ADGRG2: variants seen among roughly 807,000 people sequenced by gnomAD.
ADGRG2 encodes the protein G protein-coupled receptor 64.
A neutral mutation model predicts 74.1 loss-of-function variants in ADGRG2; 26 were observed. The observed-to-expected ratio is 0.35, with a 90% CI of 0.26 to 0.49. The LOEUF is 0.49. Ranked by LOEUF, ADGRG2 falls within the 20% of genes least tolerant of loss-of-function variation. ADGRG2 has a pLI of 0.99. For synonymous variants in ADGRG2, 296 were observed against 295.2 expected, an observed-to-expected ratio of 1.00 and a Z score of -0.03; for missense variants, 619 against 763.1, an observed-to-expected ratio of 0.81 and a Z score of 2.22.
chrX:19,049,582 A>G (rs1235022722), intron 3 of ADGRG2, among the ~76,000 whole-genome samples: 1 of 109,191 alleles, frequency 9.2e-6, no homozygotes, highest in Non-Finnish European at 1.9e-5. Context: ...ATGTGGCCCA[A>G]TACAAATTCA....
chrX:19,053,879 C>G (rs761971074), intron 3 of ADGRG2, among the ~76,000 whole-genome samples: 2 of 111,136 alleles, frequency 1.8e-5, no homozygotes, highest in Non-Finnish European at 3.8e-5. Context: ...TGGCAGCGGG[C>G]AAAAGAGAGA....
chrX:19,093,491 G>A (rs760901529), intron 1 of ADGRG2, among the ~76,000 whole-genome samples: 2 of 111,842 alleles, frequency 1.8e-5, no homozygotes, highest in Non-Finnish European at 3.8e-5. Context: ...ATGGTCATAA[G>A]AACACTGCTT....
intron 3 of ADGRG2, among the ~76,000 whole-genome samples, chrX:19,062,558 T>C (rs188425003): frequency 8.9e-6 from 1 of 111,733 alleles, no homozygotes; most frequent in African/African-American, 3.3e-5. Flanking sequence ...ACCTCATTTG[T>C]ACAGACAGGG....
chrX:18,995,071 G>A, intron 27 of ADGRG2, 23 bp from the exon 28 acceptor site: 1 of 1,140,553 alleles, frequency 8.8e-7, no homozygotes, highest in South Asian at 2.0e-5. Flanking sequence ...AAGCATTACA[G>A]AAAAACAGGG....
At chrX:19,066,598 G>C (rs1489554442) in intron 3 of ADGRG2, among the ~76,000 whole-genome samples, 1 of 108,529 alleles carries the variant, frequency 9.2e-6, no homozygotes, top group Non-Finnish European at 1.9e-5. Flanking sequence ...TAGGAATACA[G>C]ACACCCGCAA....
In ADGRG2 at chrX:19,040,168, A is replaced by C. The variant is rs1650556184; in HGVS notation, c.154+21T>G. 8 of 1,064,540 alleles carry C rather than the reference A, an allele frequency of 7.5e-6. No homozygotes were observed. The South Asian group carries it at 1.5e-4, about 21-fold the overall frequency. 87.7% of individuals were successfully genotyped at this position (1,064,540 alleles called of 1,213,427 possible). A position where few individuals can be genotyped will look rare whatever the true frequency, so the allele number is the denominator to read the frequency against. The stretch of plus-strand genomic sequence containing the variant: ...ATAATATTTTCCTGAAATTCCCCAG[A>C]GTTCTAAAAAAACAACTTACCAGGT... On this transcript the variant is annotated intron_variant, in intron 4 of 28. Transcript: ENST00000379869.
At chrX:19,092,391 G>A (rs2062029262) in intron 1 of ADGRG2, among the ~76,000 whole-genome samples, 1 of 108,207 alleles carries the variant, frequency 9.2e-6, no homozygotes, top group Admixed American at 1.0e-4. Context: ...CTTGATGGGG[G>A]CGAGAATAAA....
intron 20 of ADGRG2, among the ~76,000 whole-genome samples, chrX:19,006,619 C>T (rs779015311): frequency 7.2e-5 from 8 of 110,562 alleles, no homozygotes; most frequent in African/African-American, 2.0e-4. Context: ...GTAGTGAGGT[C>T]GTAGATGATG....
At chrX:19,027,383 C>A in intron 10 of ADGRG2, 109 bp from the exon 11 acceptor site, 2 of 533,165 alleles carry the variant, frequency 3.8e-6, no homozygotes. Flanking sequence ...TAACTATACC[C>A]CAAAGACTGA....
chrX:19,039,916 A>T (rs778772764), intron 4 of ADGRG2, among the ~76,000 whole-genome samples: 9 of 112,094 alleles, frequency 8.0e-5, no homozygotes, highest in Non-Finnish European at 1.5e-4. Flanking sequence ...AATACTAAAA[A>T]TAACTGCTGA....
At chrX:19,002,719 G>A in intron 24 of ADGRG2, 127 bp downstream of exon 24, 1 of 602,253 alleles carries the variant, frequency 1.7e-6, no homozygotes, top group Non-Finnish European at 2.7e-6. Flanking sequence ...GCACATGTAA[G>A]AGTATAAAGC....
At chrX:19,003,698 AC>A (rs1386160720) in intron 23 of ADGRG2, among the ~76,000 whole-genome samples, 1 of 111,692 alleles carries the variant, frequency 9.0e-6, no homozygotes, top group Non-Finnish European at 1.9e-5. Context: ...GTTGACGCAT[AC>A]TTTTAAATAG....
At chrX:19,040,739 C>T (rs774981086) in intron 3 of ADGRG2, among the ~76,000 whole-genome samples, 1 of 111,831 alleles carries the variant, frequency 8.9e-6, no homozygotes, top group Admixed American at 9.6e-5. Context: ...ACTACAAGAG[C>T]TGCTGAGTTA....
At chrX:19,083,170 ATTTTTTT>A (rs58522004) in intron 1 of ADGRG2, among the ~76,000 whole-genome samples, 2,028 of 83,134 alleles carry the variant, frequency 0.024, 24 homozygotes, top group Non-Finnish European at 0.031. Flanking sequence ...CACCCGGCTA[ATTTTTTT>A]TTTTTTTTTT....
intron 2 of ADGRG2, among the ~76,000 whole-genome samples, chrX:19,079,218 C>T (rs1168566699): frequency 9.0e-6 from 1 of 111,582 alleles, no homozygotes; most frequent in Non-Finnish European, 1.9e-5. Context: ...GAGTTTCAAT[C>T]GCACAGAAAC....
chrX:18,998,939 T>C, intron 26 of ADGRG2, 57 bp downstream of exon 26: 1 of 981,374 alleles, frequency 1.0e-6, no homozygotes, highest in South Asian at 2.2e-5. Flanking sequence ...TTTTAGTAGC[T>C]ACATTTTTAT....
chrX:19,044,112 C>T (rs2146772899), intron 3 of ADGRG2, among the ~76,000 whole-genome samples: 1 of 111,956 alleles, frequency 8.9e-6, no homozygotes, highest in African/African-American at 3.2e-5. Flanking sequence ...GCTGATGATG[C>T]TAGGCCACAT....
chrX:19,087,526 A>G (rs2061953462), intron 1 of ADGRG2, among the ~76,000 whole-genome samples: 1 of 112,669 alleles, frequency 8.9e-6, no homozygotes, highest in African/African-American at 3.2e-5. Flanking sequence ...ATATGAAGAC[A>G]TGGGCGAGAG....
In ADGRG2 at chrX:18,990,839, A is replaced by G. The variant is rs1372134837; in HGVS notation, c.*25T>C. On this transcript the variant is annotated 3_prime_UTR_variant, in exon 29 of 29. Coordinates refer to ENST00000379869, the MANE Select transcript of ADGRG2 (RefSeq NM_001079858.3). Reference sequence around the variant, plus strand: ...TGGACATTTCACACTGTCAAGCATCATGCTTTGATTTTAGAAGAAAGGAAT... The same window carrying G: ...TGGACATTTCACACTGTCAAGCATCGTGCTTTGATTTTAGAAGAAAGGAAT... The G allele has an allele frequency of 1.8e-6, 2 of 1,120,088 alleles. No individual in the cohort carries two copies. Among genetic ancestry groups the G allele is most frequent in the Non-Finnish European group, 2.4e-6 (2 of 826,400 alleles). The allele number at this position is 1,120,088 out of a possible 1,213,427, so 92.3% of individuals were successfully genotyped here.
Sources: gnomAD v4.1 joint callset for allele counts (sites outside exome capture counted in the v4.1 genomes callset) on GRCh38, gnomAD v4.1.1 for gene constraint, MANE v1.5 for transcripts, NCBI Gene and HGNC (gene_info 2026-07-23, HGNC 2026-07-21) for gene names.